Variants in BMP7 observed in about 807,000 individuals in gnomAD.
BMP7 encodes the protein osteogenic protein 1.
A neutral mutation model predicts 41.2 loss-of-function variants in BMP7; 12 were observed. The observed-to-expected ratio is 0.29, with a 90% CI of 0.19 to 0.47. The LOEUF (loss-of-function observed/expected upper bound fraction) is 0.47, where lower values mean the gene tolerates loss of function less well. BMP7 is among the 20% of genes least tolerant of loss of function. BMP7 has a pLI of 0.99. For missense variants in BMP7, 467 were observed against 606.0 expected (o/e 0.77, Z 2.41); for synonymous variants, 248 against 250.0 (o/e 0.99, Z 0.07).
Position 57,265,941 on chromosome 20 carries a change from A to G in BMP7, c.182T>C (p.Ile61Thr). 1 of 1,555,552 alleles carries G rather than the reference A, an allele frequency of 6.4e-7. No individual in the cohort carries two copies. The highest frequency in any genetic ancestry group is 8.7e-7 in the Non-Finnish European group (1 of 1,149,140). ...RREMQREILS[I>T]LGLPHRPRPH... The stretch of plus-strand genomic sequence containing the variant: ...GCGCGGGCGGTGGGGCAAGCCCAAA[A>G]TGGAGAGGATCTCGCGCTGCATCTC... Residue 61 changes from isoleucine (I) to threonine (T), a missense_variant, in exon 1 of 7, where the codon ATT becomes ACT. By Grantham distance (89) the Ile-to-Thr change is moderately conservative. Coordinates refer to ENST00000395863, the MANE Select transcript of BMP7 (RefSeq NM_001719.3).
intron 2 of BMP7, among the ~76,000 whole-genome samples, chr20:57,206,149 G>A (rs1984725989): frequency 6.6e-6 from 1 of 152,192 alleles, no homozygotes; most frequent in African/African-American, 2.4e-5. Context: ...CACTGAAGGA[G>A]CCCTTTGTGA....
chr20:57,189,279 A>G (rs1453228982), intron 3 of BMP7, among the ~76,000 whole-genome samples: 2 of 152,206 alleles, frequency 1.3e-5, no homozygotes, highest in Admixed American at 1.3e-4. Flanking sequence ...CACAGAGAAG[A>G]ACGTAGGCCC....
Position 57,174,837 on chromosome 20 carries a change from A to C in BMP7, c.1035+94T>G. ...ACTTGATACTGGAGTCTTAACTGGC[A>C]GAGATGAGAAACAAGACTGAGCACA... On this transcript the variant is annotated intron_variant, in intron 5 of 6. Coordinates refer to ENST00000395863, the MANE Select transcript of BMP7 (RefSeq NM_001719.3). This position sits in a 1 kb window ranked among gnomAD's most constrained non-coding sequence, Gnocchi z 4.3. 2.2e-6 allele frequency: 3 copies of C among 1,365,992 alleles called. No individual in the cohort carries two copies. Among genetic ancestry groups the C allele is most frequent in the Non-Finnish European group, 3.0e-6 (3 of 988,406 alleles). The allele number at this position is 1,365,992 out of a possible 1,614,324, so 84.6% of individuals were successfully genotyped here. A position where few individuals can be genotyped will look rare whatever the true frequency, so the allele number is the denominator to read the frequency against.
intron 2 of BMP7, among the ~76,000 whole-genome samples, chr20:57,212,152 C>T (rs1243850861): frequency 6.6e-6 from 1 of 152,146 alleles, no homozygotes; most frequent in East Asian, 1.9e-4. Context: ...TCTGGGTGAG[C>T]AAGACAAAAG....
intron 4 of BMP7, among the ~76,000 whole-genome samples, chr20:57,178,765 A>G (rs570695198): frequency 3.2e-4 from 48 of 152,204 alleles, no homozygotes; most frequent in Middle Eastern, 6.8e-3. Flanking sequence ...GTGTCAGGTG[A>G]AGCTGCTAGC....
chr20:57,243,592 G>A (rs2066078276), intron 1 of BMP7, among the ~76,000 whole-genome samples: 1 of 152,156 alleles, frequency 6.6e-6, no homozygotes, highest in African/African-American at 2.4e-5. Flanking sequence ...ACAGGTACAA[G>A]GATCCTCACT....
At chr20:57,186,360 C>A (rs895651952) in intron 3 of BMP7, among the ~76,000 whole-genome samples, 2 of 152,206 alleles carry the variant, frequency 1.3e-5, no homozygotes, top group Admixed American at 6.5e-5. Context: ...AACTCCGTGT[C>A]CGTTGCTCTG....
At chr20:57,191,745 A>AAT (rs11474165) in intron 3 of BMP7, among the ~76,000 whole-genome samples, 1 of 143,264 alleles carries the variant, frequency 7.0e-6, no homozygotes, top group African/African-American at 2.6e-5. Flanking sequence ...ATATATATAT[A>AAT]ATATATACTA....
At chr20:57,216,104 A>G (rs1252299204) in intron 2 of BMP7, among the ~76,000 whole-genome samples, 2 of 152,148 alleles carry the variant, frequency 1.3e-5, no homozygotes, top group African/African-American at 4.8e-5. Context: ...GGCTGTTCTA[A>G]GACTTATTCT....
In BMP7 at chr20:57,235,329, T is replaced by A. The variant is rs554651352; in HGVS notation, c.419-6908A>T. On this transcript the variant is annotated intron_variant, in intron 1 of 6. Transcript: ENST00000395863. ...AGACAAGCTGTGCTGCAATGCATACTCTTGTGCATGGCTTTTGGTGAACAC... is the reference window on the plus strand; with the variant it reads ...AGACAAGCTGTGCTGCAATGCATACACTTGTGCATGGCTTTTGGTGAACAC... 2.6e-5 allele frequency among the ~76,000 whole-genome samples: 4 copies of A among 152,324 alleles called. No homozygotes were observed. In the East Asian group the frequency reaches 7.7e-4, roughly 29 times the overall value.
At position 57,174,840 on chromosome 20, in the gene BMP7, G is replaced by T; in HGVS notation, c.1035+91C>A. ...TGATACTGGAGTCTTAACTGGCAGA[G>T]ATGAGAAACAAGACTGAGCACAGAC... is the stretch of plus-strand genomic sequence containing the variant. On this transcript the variant is annotated intron_variant, in intron 5 of 6. Coordinates refer to ENST00000395863, the MANE Select transcript of BMP7 (RefSeq NM_001719.3). The surrounding 1 kb of genome is among the most constrained non-coding windows in gnomAD (Gnocchi z 4.3). The T allele has an allele frequency of 7.2e-7, 1 of 1,391,418 alleles. No homozygotes were observed. Among genetic ancestry groups the T allele is most frequent in the Non-Finnish European group, 9.9e-7 (1 of 1,010,662 alleles). The allele number at this position is 1,391,418 out of a possible 1,614,324, so 86.2% of individuals were successfully genotyped here.
chr20:57,230,289 T>C (rs2066024110), intron 1 of BMP7, among the ~76,000 whole-genome samples: 1 of 152,120 alleles, frequency 6.6e-6, no homozygotes, highest in Non-Finnish European at 1.5e-5. Flanking sequence ...TGCTTTGATT[T>C]ACAGAGAAGG....
In BMP7 at chr20:57,259,506, G is replaced by T. The variant is rs146588867; in HGVS notation, c.418+6199C>A. On this transcript the variant is annotated intron_variant, in intron 1 of 6. Coordinates refer to ENST00000395863, the MANE Select transcript of BMP7 (RefSeq NM_001719.3). This position sits in a 1 kb window ranked among gnomAD's most constrained non-coding sequence, Gnocchi z 4.7. ...GTGTGAGAGGCTCTGGTTTGGAAAT[G>T]CATTAACACACGTTCAACATGTTTG... 2.0e-5 allele frequency among the ~76,000 whole-genome samples: 3 copies of T among 152,186 alleles called. No homozygotes were observed. The highest frequency in any genetic ancestry group is 4.4e-5 in the Non-Finnish European group (3 of 68,048).
chr20:57,208,248 C>T (rs1984789660), intron 2 of BMP7, among the ~76,000 whole-genome samples: 1 of 152,302 alleles, frequency 6.6e-6, no homozygotes, highest in South Asian at 2.1e-4. Context: ...AGCTAGCACG[C>T]CACTGACTCC....
At chr20:57,193,764 G>T (rs143716272) in intron 3 of BMP7, among the ~76,000 whole-genome samples, 2 of 152,320 alleles carry the variant, frequency 1.3e-5, no homozygotes, top group African/African-American at 4.8e-5. Flanking sequence ...GGCATTTTCT[G>T]ATGTAAAGCA....
At chr20:57,220,573 G>A (rs1985165621) in intron 2 of BMP7, among the ~76,000 whole-genome samples, 1 of 152,174 alleles carries the variant, frequency 6.6e-6, no homozygotes, top group African/African-American at 2.4e-5. Context: ...CCAGAGAGCT[G>A]CCTCCACGAA....
chr20:57,219,963 C>A (rs115606525), intron 2 of BMP7, among the ~76,000 whole-genome samples: 1,734 of 152,328 alleles, frequency 0.011, 15 homozygotes, highest in South Asian at 0.057. Context: ...CTGGCAGTGG[C>A]TGCCTTATTT....
chr20:57,211,159 G>A lies in BMP7; in HGVS notation c.612-8536C>T, dbSNP rs192692935. Among the ~76,000 whole-genome samples the A allele has an allele frequency of 2.0e-3, 304 of 152,298 alleles. 2 individuals are homozygous for A. Among genetic ancestry groups the A allele is most frequent in the African/African-American group, 6.2e-3 (258 of 41,582 alleles). ...CACCTACTGCACACTAGGCTCTTAA[G>A]GGACACTCTCCCACCTCCTCCTCCC... On this transcript the variant is annotated intron_variant, in intron 2 of 6. Transcript: ENST00000395863.
intron 3 of BMP7, among the ~76,000 whole-genome samples, chr20:57,192,898 A>G (rs1398571491): frequency 2.0e-5 from 3 of 152,132 alleles, no homozygotes; most frequent in East Asian, 1.9e-4. Context: ...CTTGTATTCT[A>G]TCTCCAAGAG....
Sources: gnomAD v4.1 joint callset for allele counts (sites outside exome capture counted in the v4.1 genomes callset) on GRCh38, gnomAD v4.1.1 for gene constraint, Gnocchi (gnomAD v3.1) non-coding constraint, MANE v1.5 for transcripts, NCBI Gene and HGNC (gene_info 2026-07-23, HGNC 2026-07-21) for gene names.